Variants in WASHC5 observed in about 807,000 individuals in gnomAD.
WASHC5 encodes the protein WASH complex subunit strumpellin.
A neutral mutation model predicts 150.4 loss-of-function variants in WASHC5; 101 were observed. That is an observed-to-expected ratio of 0.67 (90% CI 0.57 to 0.79). The LOEUF (loss-of-function observed/expected upper bound fraction) is 0.79, where lower values mean the gene tolerates loss of function less well. Ranked by LOEUF, WASHC5 falls within the 30% of genes least tolerant of loss-of-function variation. WASHC5 has a pLI of 0.00. For synonymous variants in WASHC5, 467 were observed against 491.2 expected, an observed-to-expected ratio of 0.95 and a Z score of 0.65; for missense variants, 1,195 against 1,396.3, an observed-to-expected ratio of 0.86 and a Z score of 2.30.
At chr8:125,039,626 T>C (rs1249812911) in intron 24 of WASHC5, among the ~76,000 whole-genome samples, 169 bp downstream of exon 24, 10 of 152,164 alleles carry the variant, frequency 6.6e-5, no homozygotes, top group Admixed American at 5.9e-4. Flanking sequence ...GGGACAATAC[T>C]GAGGAAAGAG....
At chr8:125,060,881 T>C (rs1199227150) in intron 12 of WASHC5, among the ~76,000 whole-genome samples, 1 of 152,214 alleles carries the variant, frequency 6.6e-6, no homozygotes, top group Non-Finnish European at 1.5e-5. Context: ...AATATCGTAA[T>C]TTTTGCTACC....
intron 26 of WASHC5, 81 bp from the exon 27 acceptor site, chr8:125,032,475 A>G (rs1228892074): frequency 1.3e-6 from 2 of 1,482,064 alleles, no homozygotes; most frequent in Non-Finnish European, 1.9e-6. Flanking sequence ...GTGAAGGTCA[A>G]AATGTTTGGG....
chr8:125,078,081 T>C (rs1480600408), intron 6 of WASHC5, among the ~76,000 whole-genome samples: 1 of 152,214 alleles, frequency 6.6e-6, no homozygotes, highest in Non-Finnish European at 1.5e-5. Context: ...TATTTAAATA[T>C]ATAACATCTA....
At chr8:125,038,400 T>G (rs1815780410) in intron 25 of WASHC5, among the ~76,000 whole-genome samples, 1 of 152,182 alleles carries the variant, frequency 6.6e-6, no homozygotes. Context: ...GAAAAAACTT[T>G]CAGTTCTTAG....
chr8:125,053,095 C>G (rs1195320305), intron 17 of WASHC5, among the ~76,000 whole-genome samples: 1 of 147,304 alleles, frequency 6.8e-6, no homozygotes, highest in Non-Finnish European at 1.5e-5. Flanking sequence ...TTGAGACGAC[C>G]TGTATTTCTT....
At chr8:125,051,401 G>A (rs1462400148) in intron 17 of WASHC5, among the ~76,000 whole-genome samples, 1 of 152,084 alleles carries the variant, frequency 6.6e-6, no homozygotes, top group African/African-American at 2.4e-5. Context: ...GGTCATAAAG[G>A]CAATTAATGG....
chr8:125,079,131 T>TAC (rs1408398954), intron 5 of WASHC5, among the ~76,000 whole-genome samples: 16 of 122,678 alleles, frequency 1.3e-4, no homozygotes, highest in Admixed American at 6.0e-4. Flanking sequence ...TATATATATA[T>TAC]ATATATATAC....
At chr8:125,025,828 A>T (rs1490059932) in intron 28 of WASHC5, among the ~76,000 whole-genome samples, 1 of 139,362 alleles carries the variant, frequency 7.2e-6, no homozygotes, top group Non-Finnish European at 1.5e-5. Flanking sequence ...TTACATATGC[A>T]GACAGACACA....
At chr8:125,047,397 T>C (rs1218082765) in intron 19 of WASHC5, 66 bp from the exon 20 acceptor site, 1 of 1,501,248 alleles carries the variant, frequency 6.7e-7, no homozygotes, top group Admixed American at 1.7e-5. Flanking sequence ...CCCTTTTCCA[T>C]ATAATTTTAC....
At chr8:125,029,627 C>G (rs1438992853) in intron 27 of WASHC5, among the ~76,000 whole-genome samples, 1 of 152,186 alleles carries the variant, frequency 6.6e-6, no homozygotes, top group Non-Finnish European at 1.5e-5. Flanking sequence ...TGGGATTTTA[C>G]TCATGTATTC....
At chr8:125,064,145 ATTGT>A (rs1479887416) in intron 10 of WASHC5, among the ~76,000 whole-genome samples, 1 of 151,630 alleles carries the variant, frequency 6.6e-6, no homozygotes, top group Non-Finnish European at 1.5e-5. Flanking sequence ...TACAAGTTTA[ATTGT>A]TTATTTTTAT....
Position 125,037,232 on chromosome 8 carries a change from C to G in WASHC5, c.3181+5G>C. 6.5e-7 allele frequency: 1 copy of G among 1,534,192 alleles called. No homozygotes were observed. Among genetic ancestry groups the G allele is most frequent in the Non-Finnish European group, 9.0e-7 (1 of 1,107,680 alleles). The stretch of plus-strand genomic sequence containing the variant: ...CTCATTGCAAATAATAAATGTTATA[C>G]GTACCCAGATTTTTGTTGTATTGAA... On this transcript the variant is annotated splice_donor_5th_base_variant and intron_variant, in intron 26 of 28. Coordinates refer to ENST00000318410, the MANE Select transcript of WASHC5 (RefSeq NM_014846.4).
At chr8:125,068,262 T>G (rs1816805249) in intron 9 of WASHC5, among the ~76,000 whole-genome samples, 1 of 152,238 alleles carries the variant, frequency 6.6e-6, no homozygotes, top group Admixed American at 6.5e-5. Context: ...CTTAAATGAT[T>G]GTACAAACAA....
At chr8:125,082,297 C>T in intron 4 of WASHC5, 86 bp downstream of exon 4, 4 of 776,686 alleles carry the variant, frequency 5.2e-6, no homozygotes, top group East Asian at 5.2e-5. Context: ...AATGGTATTT[C>T]GTATATATTT....
At chr8:125,053,541 T>G (rs955219657) in intron 17 of WASHC5, among the ~76,000 whole-genome samples, 2 of 152,306 alleles carry the variant, frequency 1.3e-5, no homozygotes, top group South Asian at 2.1e-4. Context: ...ATGTACATTC[T>G]CTACACATCA....
intron 11 of WASHC5, among the ~76,000 whole-genome samples, chr8:125,061,813 T>A (rs982427410): frequency 1.3e-5 from 2 of 152,168 alleles, no homozygotes; most frequent in Admixed American, 1.3e-4. Flanking sequence ...CAGGCAAAGT[T>A]CTAAGTATTT....
chr8:125,080,184 A>G (rs1817206530), intron 5 of WASHC5, among the ~76,000 whole-genome samples: 1 of 152,226 alleles, frequency 6.6e-6, no homozygotes, highest in African/African-American at 2.4e-5. Context: ...GTGTCACTTC[A>G]ATAATAAATG....
rs369339497 is a variant in WASHC5, at chr8:125,043,846, C to T, written c.2829G>A (p.Ala943=). The change falls in exon 23 of 29, where the codon GCG becomes GCA. Residue 943 remains alanine, a synonymous_variant. Coordinates refer to ENST00000318410, the MANE Select transcript of WASHC5 (RefSeq NM_014846.4). ...AIAKTQKIWT[A]YLEAIMKVGQ... is the part of the protein sequence containing the mutation. The stretch of plus-strand genomic sequence containing the variant: ...ATACCTTCATTATAGCCTCGAGATA[C>T]GCAGTCCAAATCTTCTGTGTTTTGG... 204 of 1,611,172 alleles carry T rather than the reference C, an allele frequency of 1.3e-4. 1 individual carries two copies. The highest frequency in any genetic ancestry group is 1.6e-4 in the Non-Finnish European group (187 of 1,177,420).
Position 125,044,666 on chromosome 8 carries a change from C to G in WASHC5, c.2537G>C (p.Trp846Ser), listed in dbSNP as rs767067115. The part of the protein sequence containing the change: ...MTCHIDQLNT[W>S]YDMKTHQEVT... ...TTCCTGATGAGTTTTCATATCATAC[C>G]AAGTGTTCAGCTGGTCTATGTGACA... The change falls in exon 21 of 29, where the codon TGG becomes TCG. Residue 846 changes from tryptophan to serine, a missense_variant. By Grantham distance (177) the Trp-to-Ser change is radical. Transcript: ENST00000318410. 3 of 1,614,006 alleles carry G rather than the reference C, an allele frequency of 1.9e-6. No homozygotes were observed. The highest frequency in any genetic ancestry group is 2.2e-5 in the South Asian group (2 of 91,084).
Sources: gnomAD v4.1 joint callset for allele counts (sites outside exome capture counted in the v4.1 genomes callset) on GRCh38, gnomAD v4.1.1 for gene constraint, MANE v1.5 for transcripts, NCBI Gene and HGNC (gene_info 2026-07-23, HGNC 2026-07-21) for gene names.